The following NAV2 variants were observed in gnomAD, a reference collection of about 807,000 sequenced individuals.
The protein encoded by NAV2 is helicase, APC down-regulated 1.
Under a neutral mutation model 223.2 loss-of-function variants are expected in NAV2, and 54 were observed. The ratio of observed to expected loss-of-function variants is 0.24; its 90% CI spans 0.19 to 0.30. NAV2 has a LOEUF of 0.30. Ranked by LOEUF, NAV2 falls within the 10% of genes least tolerant of loss-of-function variation. The probability of loss-of-function intolerance (pLI) is 1.00; values close to 1 mark genes in which losing one functional copy is unlikely to be tolerated. For missense variants in NAV2, 2,806 were observed against 3,147.5 expected (o/e 0.89, Z 2.60); for synonymous variants, 1,279 against 1,239.3 (o/e 1.03, Z -0.67).
At chr11:19,582,711 T>C (rs1179686949) in intron 1 of NAV2, among the ~76,000 whole-genome samples, 1 of 152,216 alleles carries the variant, frequency 6.6e-6, no homozygotes, top group Non-Finnish European at 1.5e-5. Flanking sequence ...CTCTGTTCTG[T>C]TCCATTGGTC....
chr11:19,926,037 C>A (rs773137696), intron 6 of NAV2, among the ~76,000 whole-genome samples: 1 of 151,964 alleles, frequency 6.6e-6, no homozygotes, highest in Non-Finnish European at 1.5e-5. Context: ...TGTTCTTTTT[C>A]AAGATTGTTT....
chr11:20,051,391 T>C lies in NAV2; in HGVS notation c.4481+58T>C, dbSNP rs984214332. On this transcript the variant is annotated intron_variant, in intron 17 of 37. Coordinates refer to ENST00000349880, the MANE Select transcript of NAV2 (RefSeq NM_145117.5). The stretch of plus-strand genomic sequence containing the variant: ...CTGTTGTGGCTTTGGAGCTTGGCTG[T>C]GTGACTCCTTCATGGCTGGTGGGGG... 7 of 1,523,088 alleles carry C rather than the reference T, an allele frequency of 4.6e-6. No homozygotes were observed. The Admixed American group carries it at 5.0e-5, about 11-fold the overall frequency. 94.3% of individuals were successfully genotyped at this position (1,523,088 alleles called of 1,614,324 possible). A position where few individuals can be genotyped will look rare whatever the true frequency, so the allele number is the denominator to read the frequency against.
chr11:20,063,626 C>G (rs2153628897), intron 20 of NAV2, among the ~76,000 whole-genome samples: 1 of 152,282 alleles, frequency 6.6e-6, no homozygotes, highest in East Asian at 1.9e-4. Context: ...CCGCCCATCT[C>G]AGCCTCCCGA....
chr11:19,729,494 C>T (rs184075840), intron 1 of NAV2, among the ~76,000 whole-genome samples: 2 of 152,320 alleles, frequency 1.3e-5, no homozygotes, highest in Admixed American at 6.5e-5. Context: ...TCTCTTTGTC[C>T]TCTCTTTAAG....
At chr11:19,667,662 G>A (rs1434512777) in intron 1 of NAV2, among the ~76,000 whole-genome samples, 1 of 152,176 alleles carries the variant, frequency 6.6e-6, no homozygotes, top group East Asian at 1.9e-4. Context: ...AATGAGACAA[G>A]TCAATGCATA....
At chr11:19,680,537 G>A (rs1158636556) in intron 1 of NAV2, among the ~76,000 whole-genome samples, 7 of 152,170 alleles carry the variant, frequency 4.6e-5, no homozygotes, top group Non-Finnish European at 8.8e-5. Context: ...GGAGGGATGC[G>A]GAACCCCATT....
At chr11:19,590,213 T>C (rs1261683840) in intron 1 of NAV2, among the ~76,000 whole-genome samples, 2 of 152,248 alleles carry the variant, frequency 1.3e-5, no homozygotes, top group Admixed American at 6.5e-5. Flanking sequence ...TAACGGTTCC[T>C]GGCACACACT....
chr11:20,034,471 C>T (rs993567669), intron 11 of NAV2, among the ~76,000 whole-genome samples: 1 of 151,862 alleles, frequency 6.6e-6, no homozygotes, highest in Non-Finnish European at 1.5e-5. Flanking sequence ...CCTCTGCCTC[C>T]CGGGTTCAAG....
At chr11:20,062,945 G>C (rs571534228) in intron 20 of NAV2, among the ~76,000 whole-genome samples, 1 of 152,102 alleles carries the variant, frequency 6.6e-6, no homozygotes, top group Non-Finnish European at 1.5e-5. Flanking sequence ...CACCCACCTC[G>C]GCCTCCCAAA....
chr11:20,070,411 G>T (rs1174666767), intron 22 of NAV2, among the ~76,000 whole-genome samples: 5 of 152,294 alleles, frequency 3.3e-5, no homozygotes, highest in African/African-American at 1.2e-4. Context: ...CGGTGAACTT[G>T]GGTTAATTGT....
intron 1 of NAV2, among the ~76,000 whole-genome samples, chr11:19,640,116 T>A (rs1267180571): frequency 6.6e-6 from 1 of 152,200 alleles, no homozygotes; most frequent in Non-Finnish European, 1.5e-5. Context: ...AAAACATCTA[T>A]ATGTTTCAGG....
intron 1 of NAV2, among the ~76,000 whole-genome samples, chr11:19,674,056 C>T (rs2048648095): frequency 6.6e-6 from 1 of 152,186 alleles, no homozygotes; most frequent in Non-Finnish European, 1.5e-5. Flanking sequence ...CAGCGTGGGC[C>T]GTCGTCAGTC....
chr11:19,964,675 A>AT (rs960869976), intron 10 of NAV2, among the ~76,000 whole-genome samples: 1 of 151,472 alleles, frequency 6.6e-6, no homozygotes, highest in Non-Finnish European at 1.5e-5. Flanking sequence ...TTTTTAAAAC[A>AT]TTTTTTGTAG....
chr11:19,520,805 T>G (rs2632059), intron 1 of NAV2, among the ~76,000 whole-genome samples: 1 of 152,026 alleles, frequency 6.6e-6, no homozygotes, highest in Admixed American at 6.5e-5. Flanking sequence ...GGTGCTCTGC[T>G]GGTCTCAGTC....
intron 1 of NAV2, among the ~76,000 whole-genome samples, chr11:19,428,596 A>G (rs571998217): frequency 1.3e-5 from 2 of 152,362 alleles, no homozygotes; most frequent in East Asian, 3.9e-4. Flanking sequence ...TCACTGGTCA[A>G]TGGTGATACT....
rs560232647 is a variant in NAV2, at chr11:19,621,185, G to A, written c.76-211299G>A. Among the ~76,000 whole-genome samples, 29 of 152,254 alleles carry A rather than the reference G, an allele frequency of 1.9e-4. No individual in the cohort carries two copies. In the South Asian group the frequency reaches 5.4e-3, roughly 28 times the overall value. On this transcript the variant is annotated intron_variant, in intron 1 of 37. Coordinates refer to the NAV2 transcript ENST00000360655. ...TGCCAGTATTTTACTGAGGATTTTT[G>A]CATCGATGTTCATCAGGGATATTGG...
chr11:20,048,561 A>G (rs2057689369), intron 14 of NAV2, among the ~76,000 whole-genome samples, 167 bp from the exon 15 acceptor site: 1 of 152,176 alleles, frequency 6.6e-6, no homozygotes, highest in Non-Finnish European at 1.5e-5. Context: ...GTCTAGGCCC[A>G]CTTTATGGCT....
chr11:19,895,615 C>T (rs1389770024), intron 6 of NAV2, among the ~76,000 whole-genome samples: 5 of 152,060 alleles, frequency 3.3e-5, no homozygotes, highest in South Asian at 2.1e-4. Flanking sequence ...TGAGCTGTGA[C>T]GATGGAAAAC....
intron 1 of NAV2, 131 bp downstream of exon 1, chr11:19,714,093 A>G: frequency 7.5e-7 from 1 of 1,326,064 alleles, no homozygotes; most frequent in Non-Finnish European, 1.0e-6. Flanking sequence ...CATTCCCCTT[A>G]GGCCGGCAGG....
Sources: allele counts gnomAD v4.1 joint callset (sites outside exome capture counted in the v4.1 genomes callset), GRCh38; gene constraint gnomAD v4.1.1; transcripts MANE v1.5; gene names NCBI Gene and HGNC (gene_info 2026-07-23, HGNC 2026-07-21).